ARB2A: variants seen among roughly 807,000 people sequenced by gnomAD.
ARB2A encodes the protein cotranscriptional regulator ARB2A.
At chr5:93,695,150 C>T in the ARB2A span, among the ~76,000 whole-genome samples, 1 of 151,934 alleles carries the variant, frequency 6.6e-6, no homozygotes, top group South Asian at 2.1e-4. Flanking sequence ...ATGACTAAAA[C>T]ACCGAAAGCA....
At chr5:94,046,681 T>C in the ARB2A span, among the ~76,000 whole-genome samples, 1 of 152,204 alleles carries the variant, frequency 6.6e-6, no homozygotes, top group Non-Finnish European at 1.5e-5. Context: ...GCAGACTGTT[T>C]GTGCCTCTTT....
the ARB2A span, among the ~76,000 whole-genome samples, chr5:93,719,833 A>T: frequency 2.0e-5 from 3 of 152,188 alleles, no homozygotes; most frequent in Admixed American, 2.0e-4. Flanking sequence ...TCCTTTAAGT[A>T]ATACAGATAG....
chr5:93,775,688 C>A, the ARB2A span, among the ~76,000 whole-genome samples: 1 of 152,180 alleles, frequency 6.6e-6, no homozygotes, highest in East Asian at 1.9e-4. Flanking sequence ...TGCCATCTTG[C>A]ATGTTTTCCC....
the ARB2A span, among the ~76,000 whole-genome samples, chr5:93,708,352 T>C: frequency 6.6e-6 from 1 of 152,320 alleles, no homozygotes; most frequent in South Asian, 2.1e-4. Flanking sequence ...CAGTCTCATG[T>C]ATGACTTTGA....
the ARB2A span, among the ~76,000 whole-genome samples, chr5:94,044,359 T>G: frequency 1.2e-4 from 18 of 152,274 alleles, no homozygotes; most frequent in East Asian, 2.7e-3. Flanking sequence ...TTACTAATAT[T>G]CCAGATATCA....
At chr5:93,958,259 G>A in the ARB2A span, among the ~76,000 whole-genome samples, 2 of 151,728 alleles carry the variant, frequency 1.3e-5, no homozygotes, top group Non-Finnish European at 2.9e-5. Flanking sequence ...TTTATTTGTG[G>A]GCTCTAAAAA....
the ARB2A span, among the ~76,000 whole-genome samples, chr5:93,650,434 G>C: frequency 6.6e-6 from 1 of 152,110 alleles, no homozygotes; most frequent in African/African-American, 2.4e-5. Flanking sequence ...CAACGAACTT[G>C]AAAAATGATC....
chr5:93,620,724 G>T, the ARB2A span: 1 of 348,528 alleles, frequency 2.9e-6, no homozygotes, highest in Non-Finnish European at 5.1e-6. Flanking sequence ...CAGGCAGGGC[G>T]CTGTCAGCCT....
the ARB2A span, among the ~76,000 whole-genome samples, chr5:94,011,724 A>T: frequency 6.6e-6 from 1 of 152,226 alleles, no homozygotes; most frequent in South Asian, 2.1e-4. Context: ...TTGCACATGT[A>T]GAATGTGAGG....
the ARB2A span, among the ~76,000 whole-genome samples, chr5:93,778,361 T>C: frequency 3.3e-5 from 5 of 152,334 alleles, no homozygotes; most frequent in Non-Finnish European, 5.9e-5. Context: ...AGCTTTTATA[T>C]ACAATGTGAC....
chr5:93,642,482 T>G, the ARB2A span, among the ~76,000 whole-genome samples: 1 of 152,026 alleles, frequency 6.6e-6, no homozygotes, highest in African/African-American at 2.4e-5. Flanking sequence ...AGTGATTCTC[T>G]TACCTCAGCC....
chr5:93,683,186 T>C, the ARB2A span: 8 of 1,303,372 alleles, frequency 6.1e-6, no homozygotes, highest in African/African-American at 1.5e-5. Context: ...AAAATCATCA[T>C]CATCATCATC....
chr5:93,741,198 T>C, the ARB2A span: 27 of 1,613,760 alleles, frequency 1.7e-5, no homozygotes, highest in Non-Finnish European at 2.3e-5. Context: ...ACTCTTTCAG[T>C]ATGCCCGAGA....
chr5:93,776,541 G>A, the ARB2A span, among the ~76,000 whole-genome samples: 4 of 152,180 alleles, frequency 2.6e-5, no homozygotes, highest in African/African-American at 9.7e-5. Context: ...ACTTTGGGAG[G>A]CCGAGGTGGG....
the ARB2A span, among the ~76,000 whole-genome samples, chr5:93,790,262 T>C: frequency 6.6e-6 from 1 of 152,158 alleles, no homozygotes; most frequent in Non-Finnish European, 1.5e-5. Flanking sequence ...TGGCACACAG[T>C]ACATAATTAT....
chr5:93,960,572 C>G, the ARB2A span, among the ~76,000 whole-genome samples: 1 of 152,172 alleles, frequency 6.6e-6, no homozygotes. Flanking sequence ...ACATTGTAGG[C>G]ACTCAGTAAT....
chr5:93,792,278 A>G, the ARB2A span, among the ~76,000 whole-genome samples: 1 of 152,212 alleles, frequency 6.6e-6, no homozygotes. Context: ...ATATATGTGA[A>G]GTAGATACAG....
the ARB2A span, among the ~76,000 whole-genome samples, chr5:93,643,541 C>G: frequency 6.6e-6 from 1 of 152,162 alleles, no homozygotes. Flanking sequence ...GTTGCCCAGG[C>G]TGGAGTGCAA....
At chr5:93,905,622 T>G in the ARB2A span, among the ~76,000 whole-genome samples, 1 of 151,630 alleles carries the variant, frequency 6.6e-6, no homozygotes, top group Non-Finnish European at 1.5e-5. Flanking sequence ...ACACCTGGGC[T>G]CTAGACTTGG....
Sources: gnomAD v4.1 joint callset for allele counts (sites outside exome capture counted in the v4.1 genomes callset) on GRCh38, gnomAD v4.1.1 for gene constraint, MANE v1.5 for transcripts, NCBI Gene and HGNC (gene_info 2026-07-23, HGNC 2026-07-21) for gene names.